BDP1: variants seen among roughly 807,000 people sequenced by gnomAD.
BDP1 encodes BDP1 general transcription factor IIIB subunit.
Under a neutral mutation model 266.6 loss-of-function variants are expected in BDP1, and 169 were observed. The observed-to-expected ratio is 0.63, with a 90% confidence interval of 0.56 to 0.72. BDP1 has a LOEUF of 0.72. Ranked by LOEUF, BDP1 falls within the 30% of genes least tolerant of loss-of-function variation. The pLI, the probability that BDP1 is intolerant of heterozygous loss-of-function variation, is 0.00. For synonymous variants in BDP1, 1,090 were observed against 1,022.4 expected, an observed-to-expected ratio of 1.07 and a Z score of -1.26; for missense variants, 3,015 against 3,053.8, an observed-to-expected ratio of 0.99 and a Z score of 0.30.
intron 1 of BDP1, among the ~76,000 whole-genome samples, chr5:71,457,738 G>T (rs977335299): frequency 6.6e-6 from 1 of 152,100 alleles, no homozygotes; most frequent in East Asian, 1.9e-4. Flanking sequence ...GCTAAGATAC[G>T]AATTTAAATT....
intron 26 of BDP1, chr5:71,537,810 C>T (rs774029198): frequency 1.6e-4 from 27 of 163,948 alleles, no homozygotes; most frequent in Non-Finnish European, 2.9e-4. Flanking sequence ...TTTCCTTCAC[C>T]GCCCTTCTGC....
At position 71,545,134 on chromosome 5, in the gene BDP1, A is replaced by T; in HGVS notation, c.6659A>T (p.Asp2220Val). Reference protein sequence around the residue: ...SETGPCTLGLDRGLGENSVEE... With the variant: ...SETGPCTLGLVRGLGENSVEE... ...ACAGGGCCCTGCACACTTGGTTTGGATAGGGGTCTTGGTGAAAATTCTGTT... is the reference window on the plus strand; with the variant it reads ...ACAGGGCCCTGCACACTTGGTTTGGTTAGGGGTCTTGGTGAAAATTCTGTT... The change falls in exon 32 of 39, where the codon GAT becomes GTT. Residue 2220 changes from aspartate (D) to valine (V), a missense_variant. Asp to Val is a radical substitution (Grantham distance 152). Coordinates refer to ENST00000358731, the MANE Select transcript of BDP1 (RefSeq NM_018429.3). The T allele has an allele frequency of 6.2e-7, 1 of 1,613,900 alleles. No homozygotes were observed.
At chr5:71,460,017 T>C (rs1050961604) in intron 2 of BDP1, among the ~76,000 whole-genome samples, 1 of 152,212 alleles carries the variant, frequency 6.6e-6, no homozygotes, top group Non-Finnish European at 1.5e-5. Context: ...TAAGAGATGC[T>C]CAACCTCTAT....
chr5:71,511,285 A>C lies in BDP1; in HGVS notation c.4059+134A>C. Reference sequence around the variant, plus strand: ...AAAGTCTAAAGTCTTTTGTAGCCCTAAGTTTCTATGTTTCAGTGCCTTGAA... The same window carrying C: ...AAAGTCTAAAGTCTTTTGTAGCCCTCAGTTTCTATGTTTCAGTGCCTTGAA... On this transcript the variant is annotated intron_variant, in intron 17 of 38. Transcript: ENST00000358731. The C allele has an allele frequency of 3.5e-6, 3 of 861,932 alleles. No homozygotes were observed. In the South Asian group the frequency reaches 5.4e-5, roughly 16 times the overall value. The allele number at this position is 861,932 out of a possible 1,614,324, so 53.4% of individuals were successfully genotyped here. A position where few individuals can be genotyped will look rare whatever the true frequency, so the allele number is the denominator to read the frequency against.
At chr5:71,499,665 T>C (rs1764113538) in intron 13 of BDP1, among the ~76,000 whole-genome samples, 1 of 152,194 alleles carries the variant, frequency 6.6e-6, no homozygotes, top group Non-Finnish European at 1.5e-5. Context: ...CTGAAACTAT[T>C]AATTTACATT....
At chr5:71,487,765 A>G (rs951293335) in intron 9 of BDP1, among the ~76,000 whole-genome samples, 3 of 152,194 alleles carry the variant, frequency 2.0e-5, no homozygotes, top group African/African-American at 7.2e-5. Context: ...CGGATTTTCA[A>G]AAGAAAAGCA....
intron 36 of BDP1, 115 bp downstream of exon 36, chr5:71,557,040 T>C: frequency 1.9e-6 from 1 of 519,030 alleles, no homozygotes; most frequent in Non-Finnish European, 3.2e-6. Context: ...CCAAGAGTAA[T>C]ACTTGTATTA....
At position 71,524,028 on chromosome 5, in the gene BDP1, A is replaced by G. The variant is rs369510726; in HGVS notation, c.5477A>G (p.Asn1826Ser). The G allele has an allele frequency of 1.2e-5, 19 of 1,614,102 alleles. No homozygotes were observed. Among genetic ancestry groups the G allele is most frequent in the Non-Finnish European group, 1.5e-5 (18 of 1,180,048 alleles). ...TCTTCTACATCTGAGTATGAGAGAAATCGTGGTGAAAGGAGAAGTCATAAA... is the reference window on the plus strand; with the variant it reads ...TCTTCTACATCTGAGTATGAGAGAAGTCGTGGTGAAAGGAGAAGTCATAAA... ...TISSTSEYER[N>S]RGERRSHKKF... The change falls in exon 25 of 39, where the codon AAT becomes AGT. Residue 1826 changes from asparagine (N) to serine (S), a missense_variant. Asn to Ser is a conservative substitution (Grantham distance 46). Coordinates refer to ENST00000358731, the MANE Select transcript of BDP1 (RefSeq NM_018429.3).
At chr5:71,488,751 A>C (rs1763415214) in intron 9 of BDP1, among the ~76,000 whole-genome samples, 1 of 146,176 alleles carries the variant, frequency 6.8e-6, no homozygotes, top group Non-Finnish European at 1.5e-5. Flanking sequence ...CTTGTTGCCC[A>C]GGCTGGAGTG....
At chr5:71,468,352 A>G (rs1762027984) in intron 6 of BDP1, among the ~76,000 whole-genome samples, 1 of 151,394 alleles carries the variant, frequency 6.6e-6, no homozygotes, top group African/African-American at 2.4e-5. Context: ...ATAAGGTCTC[A>G]GTATGTTGCC....
At position 71,486,562 on chromosome 5, in the gene BDP1, A is replaced by G. The variant is rs1422232365; in HGVS notation, c.1148A>G (p.Gln383Arg). The G allele has an allele frequency of 6.5e-7, 1 of 1,542,350 alleles. No individual in the cohort carries two copies. The highest frequency in any genetic ancestry group is 8.6e-7 in the Non-Finnish European group (1 of 1,157,978). The part of the protein sequence containing the change: ...KVLAEEEKRK[Q>R]KSVKNHSLKE... Reference sequence around the variant, plus strand: ...CTTGCTGAAGAAGAGAAAAGAAAACAAAAATCTGTTAAAAATCACAGTTTA... The same window carrying G: ...CTTGCTGAAGAAGAGAAAAGAAAACGAAAATCTGTTAAAAATCACAGTTTA... Residue 383 changes from glutamine to arginine, a missense_variant, in exon 9 of 39, where the codon CAA becomes CGA. Physicochemically the swap from Gln to Arg is conservative, Grantham distance 43 (BLOSUM62 1). This residue lies in a region of BDP1 where 2,383 missense variants were observed against 2,404.9 expected (regional missense o/e 0.99). Coordinates refer to ENST00000358731, the MANE Select transcript of BDP1 (RefSeq NM_018429.3).
intron 26 of BDP1, among the ~76,000 whole-genome samples, chr5:71,535,350 G>A (rs561952538): frequency 2.6e-5 from 4 of 151,876 alleles, no homozygotes; most frequent in Non-Finnish European, 4.4e-5. Context: ...GATTACAAGC[G>A]CCCGCCACCA....
intron 7 of BDP1, among the ~76,000 whole-genome samples, chr5:71,473,023 C>T (rs909482992): frequency 8.7e-5 from 13 of 150,078 alleles, no homozygotes; most frequent in South Asian, 4.2e-4. Flanking sequence ...GTTGGGACTA[C>T]GGGCACGTGC....
intron 38 of BDP1, among the ~76,000 whole-genome samples, 175 bp from the exon 39 acceptor site, chr5:71,564,579 C>T (rs1018378527): frequency 1.3e-5 from 2 of 151,880 alleles, no homozygotes; most frequent in African/African-American, 4.8e-5. Context: ...AATGTAACAG[C>T]ATAGAAGTGA....
At chr5:71,569,851 A>G (rs558644063), downstream of BDP1, among the ~76,000 whole-genome samples, 9 of 152,368 alleles carry the variant, frequency 5.9e-5, no homozygotes, top group East Asian at 1.7e-3. Context: ...CACCAACACC[A>G]ACACACAAAA....
chr5:71,493,488 C>G (rs1015518667), intron 11 of BDP1, among the ~76,000 whole-genome samples: 1 of 152,112 alleles, frequency 6.6e-6, no homozygotes, highest in Non-Finnish European at 1.5e-5. Context: ...TGGGCTCAAG[C>G]AATCCTCGCA....
At chr5:71,465,854 C>A (rs572187852) in intron 4 of BDP1, among the ~76,000 whole-genome samples, 6 of 152,182 alleles carry the variant, frequency 3.9e-5, no homozygotes, top group African/African-American at 1.4e-4. Context: ...GCACTCCAGC[C>A]TGGGTGACAG....
chr5:71,480,924 C>A (rs1297366974), intron 7 of BDP1, among the ~76,000 whole-genome samples: 1 of 152,130 alleles, frequency 6.6e-6, no homozygotes, highest in Non-Finnish European at 1.5e-5. Context: ...TGCCTGTAGT[C>A]CCAACACTTT....
intron 8 of BDP1, among the ~76,000 whole-genome samples, chr5:71,485,536 T>C (rs2150399850): frequency 6.6e-6 from 1 of 152,274 alleles, no homozygotes; most frequent in East Asian, 1.9e-4. Context: ...AGAGATTCTT[T>C]TTATTTTAGT....
Sources: gnomAD v4.1 joint callset for allele counts (sites outside exome capture counted in the v4.1 genomes callset) on GRCh38, gnomAD v4.1.1 for gene constraint, gnomAD v4.1.1 regional missense constraint, MANE v1.5 for transcripts, NCBI Gene and HGNC (gene_info 2026-07-23, HGNC 2026-07-21) for gene names.